TES: variants seen among roughly 807,000 people sequenced by gnomAD.
TES encodes the protein testin LIM domain protein, also known as testin.
A neutral mutation model predicts 48.2 loss-of-function variants in TES; 41 were observed. That is an observed-to-expected ratio of 0.85 (90% confidence interval 0.66 to 1.10). The LOEUF is 1.10. Ranked by LOEUF, TES falls within the 50% of genes least tolerant of loss-of-function variation. The pLI, the probability that TES is intolerant of heterozygous loss-of-function variation, is 0.00. For synonymous variants in TES, 162 were observed against 174.9 expected (o/e 0.93, Z 0.58); for missense variants, 463 against 515.1 (o/e 0.90, Z 0.98).
intron 1 of TES, among the ~76,000 whole-genome samples, chr7:116,218,183 C>T (rs562758249): frequency 1.3e-5 from 2 of 152,098 alleles, no homozygotes; most frequent in African/African-American, 4.8e-5. Context: ...GCTGAATTAT[C>T]CTCAAACCAT....
In TES at chr7:116,210,722, C is replaced by A. The variant is rs1039773447; in HGVS notation, c.15C>A (p.Asn5Lys). 8 of 1,257,010 alleles carry A rather than the reference C, an allele frequency of 6.4e-6. No homozygotes were observed. Among genetic ancestry groups the A allele is most frequent in the Admixed American group, 4.1e-5 (1 of 24,150 alleles). 77.9% of individuals were successfully genotyped at this position (1,257,010 alleles called of 1,614,324 possible). A position where few individuals can be genotyped will look rare whatever the true frequency, so the allele number is the denominator to read the frequency against. Reference sequence around the variant, plus strand: ...GACGCGTTAACATGGACCTGGAAAACAAAGTGAAGAAGGTAGGGGGGCGCT... The same window carrying A: ...GACGCGTTAACATGGACCTGGAAAAAAAAGTGAAGAAGGTAGGGGGGCGCT... MDLE[N>K]KVKKMGLGHE... Residue 5 changes from asparagine (N) to lysine (K), a missense_variant, in exon 1 of 7, where the codon AAC (asparagine) becomes AAA (lysine). Transcript: ENST00000358204.
intron 1 of TES, among the ~76,000 whole-genome samples, chr7:116,220,305 A>G (rs1017410736): frequency 7.2e-5 from 11 of 152,154 alleles, no homozygotes; most frequent in African/African-American, 2.7e-4. Context: ...TAGTGATGTT[A>G]TTCATTGTTA....
chr7:116,240,568 A>G (rs1799832748), intron 2 of TES, among the ~76,000 whole-genome samples: 1 of 152,106 alleles, frequency 6.6e-6, no homozygotes, highest in Non-Finnish European at 1.5e-5. Context: ...ACAACTTTTT[A>G]TACAAATAAC....
At chr7:116,222,878 C>A in intron 1 of TES, 1 of 702,426 alleles carries the variant, frequency 1.4e-6, no homozygotes, top group Non-Finnish European at 1.7e-6. Flanking sequence ...CAGAGCTCAG[C>A]CAATCCTAAT....
At chr7:116,214,992 G>A (rs146105471) in intron 1 of TES, among the ~76,000 whole-genome samples, 1 of 152,230 alleles carries the variant, frequency 6.6e-6, no homozygotes, top group African/African-American at 2.4e-5. Context: ...CTTATCTGTT[G>A]TATGTTTCAC....
At chr7:116,237,015 C>T (rs755365529) in intron 2 of TES, among the ~76,000 whole-genome samples, 1 of 152,192 alleles carries the variant, frequency 6.6e-6, no homozygotes, top group Non-Finnish European at 1.5e-5. Flanking sequence ...CTGACTTTTT[C>T]ACCATAGCTA....
At chr7:116,220,713 G>A (rs1049177679) in intron 1 of TES, among the ~76,000 whole-genome samples, 1 of 152,112 alleles carries the variant, frequency 6.6e-6, no homozygotes, top group Non-Finnish European at 1.5e-5. Context: ...CATTAAAGTT[G>A]GGTATCAGCT....
intron 2 of TES, among the ~76,000 whole-genome samples, chr7:116,241,769 T>C (rs1162175427): frequency 6.6e-6 from 1 of 152,220 alleles, no homozygotes; most frequent in African/African-American, 2.4e-5. Flanking sequence ...AAAGGTATGT[T>C]GGGTGGTTAA....
At chr7:116,222,859 C>T in intron 1 of TES, 1 of 449,884 alleles carries the variant, frequency 2.2e-6, no homozygotes, top group Non-Finnish European at 2.9e-6. Context: ...CAGTGTCTTT[C>T]AGCGGAGCCA....
rs867050347 is a variant in TES at position 116,249,118 on chromosome 7, A to G, written c.212A>G (p.Lys71Arg). 8 of 1,614,022 alleles carry G rather than the reference A, an allele frequency of 5.0e-6. No homozygotes were observed. The highest frequency in any genetic ancestry group is 1.7e-5 in the Admixed American group (1 of 60,004). Residue 71 changes from lysine (K) to arginine (R), a missense_variant, in exon 3 of 7, where the codon AAG (lysine) becomes AGG (arginine). Physicochemically the swap from Lys to Arg is conservative, Grantham distance 26. Coordinates refer to ENST00000358204, the MANE Select transcript of TES (RefSeq NM_015641.4). ...RKVGKLFEDT[K>R]YTTLIAKLKS... is the part of the protein sequence containing the mutation. ...GTGGGAAAACTTTTTGAAGACACCA[A>G]GTATACCACTCTGATTGCAAAACTA...
At chr7:116,212,273 CA>C (rs1351599895) in intron 1 of TES, among the ~76,000 whole-genome samples, 1 of 152,104 alleles carries the variant, frequency 6.6e-6, no homozygotes, top group Non-Finnish European at 1.5e-5. Flanking sequence ...AGGTGAAGCA[CA>C]GGATTTTTAG....
intron 1 of TES, chr7:116,222,831 T>C (rs1799572351): frequency 7.5e-6 from 2 of 267,764 alleles, no homozygotes; most frequent in Non-Finnish European, 1.2e-5. Flanking sequence ...GAGGGCTGTT[T>C]ATGAGCGCAT....
At chr7:116,238,998 A>T (rs1330022294) in intron 2 of TES, 1 of 152,258 alleles carries the variant, frequency 6.6e-6, no homozygotes, top group East Asian at 1.9e-4. Flanking sequence ...GGTGTTGGCC[A>T]GGCTAAAAGT....
intron 1 of TES, chr7:116,218,017 TC>T: frequency 2.2e-6 from 1 of 453,864 alleles, no homozygotes; most frequent in Non-Finnish European, 4.4e-6. Context: ...ATTTCTCTGT[TC>T]CTTAGTCTGT....
chr7:116,220,162 G>A (rs1799540148), intron 1 of TES, among the ~76,000 whole-genome samples: 1 of 152,138 alleles, frequency 6.6e-6, no homozygotes, highest in Admixed American at 6.5e-5. Context: ...AATAATATGT[G>A]TTAGACTCTA....
rs1019238307 is a variant in TES at position 116,250,638 on chromosome 7, T to G, written c.702+142T>G. The G allele has an allele frequency of 4.5e-6, 3 of 667,060 alleles. No homozygotes were observed. The Admixed American group carries it at 1.2e-4, about 28-fold the overall frequency. 41.3% of individuals were successfully genotyped at this position (667,060 alleles called of 1,614,324 possible). On this transcript the variant is annotated intron_variant, in intron 4 of 6. Transcript: ENST00000358204. Reference sequence around the variant, plus strand: ...GGAATAAATAGGATTTAGATTCAGTTTAGACTTCCCACAGAGGGTCATCGT... The same window carrying G: ...GGAATAAATAGGATTTAGATTCAGTGTAGACTTCCCACAGAGGGTCATCGT...
intron 2 of TES, among the ~76,000 whole-genome samples, chr7:116,236,888 A>G (rs1799779600): frequency 6.6e-6 from 1 of 152,220 alleles, no homozygotes; most frequent in Non-Finnish European, 1.5e-5. Context: ...GACTTTGCAT[A>G]TGGCCTGTCA....
At chr7:116,234,745 T>C in intron 2 of TES, 126 bp downstream of exon 2, 1 of 726,716 alleles carries the variant, frequency 1.4e-6, no homozygotes, top group Admixed American at 2.3e-5. Context: ...CTGTCTTTTC[T>C]GAGAAATGAA....
chr7:116,215,232 T>G (rs1296694255), intron 1 of TES, among the ~76,000 whole-genome samples: 8 of 152,164 alleles, frequency 5.3e-5, no homozygotes, highest in Admixed American at 5.2e-4. Context: ...TCATGCCAAC[T>G]AGGCCGAGTC....
Sources: gnomAD v4.1 joint callset for allele counts (sites outside exome capture counted in the v4.1 genomes callset) on GRCh38, gnomAD v4.1.1 for gene constraint, MANE v1.5 for transcripts, NCBI Gene and HGNC (gene_info 2026-07-23, HGNC 2026-07-21) for gene names.